BMP3: variants seen among roughly 807,000 people sequenced by gnomAD.
BMP3 encodes the protein bone morphogenetic protein 3 (osteogenic).
Under a neutral mutation model 38.1 loss-of-function variants are expected in BMP3, and 23 were observed. The observed-to-expected ratio is 0.60, with a 90% confidence interval of 0.43 to 0.86. BMP3 has a LOEUF of 0.86. Ranked by LOEUF, BMP3 falls within the 40% of genes least tolerant of loss-of-function variation. The pLI is 0.00. For missense variants in BMP3, 628 were observed against 579.6 expected (o/e 1.08, Z -0.86); for synonymous variants, 258 against 225.7 (o/e 1.14, Z -1.28).
In BMP3 at chr4:81,056,295, G is replaced by GCACACACACACA. The variant is rs59105562; in HGVS notation, c.*2766_*2777dup. 2 of 149,332 alleles carry GCACACACACACA rather than the reference G, an allele frequency of 1.3e-5. No homozygotes were observed. Among genetic ancestry groups the GCACACACACACA allele is most frequent in the Non-Finnish European group, 1.5e-5 (1 of 67,282 alleles). 9.3% of individuals were successfully genotyped at this position (149,332 alleles called of 1,614,324 possible). On this transcript the variant is annotated 3_prime_UTR_variant, in exon 3 of 3. Transcript: ENST00000282701. ...GTAATCTCTCTACCCCATGCAGTGT[G>GCACACACACACA]CACACACACACACACACAGTCAGTT...
chr4:81,031,064 C>G lies in BMP3; in HGVS notation c.-221C>G, dbSNP rs896408458. ...CGCAGCGCCCTGCGCGGGTGAGGTC[C>G]GCGCAGCTGCTGGGGAAGAGCCCAC... On this transcript the variant is annotated 5_prime_UTR_variant, in exon 1 of 3. Transcript: ENST00000282701. The G allele has an allele frequency of 1.8e-6, 1 of 555,872 alleles. No homozygotes were observed. 34.4% of individuals were successfully genotyped at this position (555,872 alleles called of 1,614,324 possible).
rs116776950 is a variant in BMP3, at chr4:81,038,155, C to G, written c.316+6555C>G. Reference sequence around the variant, plus strand: ...TATCCATAAACAAATGGTTTATTGACTTATATAATGGTAAGCTTTTTAAAA... The same window carrying G: ...TATCCATAAACAAATGGTTTATTGAGTTATATAATGGTAAGCTTTTTAAAA... On this transcript the variant is annotated intron_variant, in intron 1 of 2. Transcript: ENST00000282701. 9.9e-3 allele frequency among the ~76,000 whole-genome samples: 1,512 copies of G among 152,166 alleles called. 23 individuals are homozygous for G. The highest frequency in any genetic ancestry group is 0.035 in the African/African-American group (1,437 of 41,506).
In BMP3 at chr4:81,057,476, T is replaced by C. The variant is rs1442488048; in HGVS notation, c.*3940T>C. ...CTTTGTTGAATTTGTATCATTTTCT[T>C]TCAGTAATGAAAAGCTATTCATTAT... On this transcript the variant is annotated 3_prime_UTR_variant, in exon 3 of 3. Transcript: ENST00000282701. 5 of 152,086 alleles carry C rather than the reference T, an allele frequency of 3.3e-5. No individual in the cohort carries two copies. The highest frequency in any genetic ancestry group is 1.2e-4 in the African/African-American group (5 of 41,436). 9.4% of individuals were successfully genotyped at this position (152,086 alleles called of 1,614,324 possible).
chr4:81,033,171 G>C (rs1200804786), intron 1 of BMP3, among the ~76,000 whole-genome samples: 1 of 152,192 alleles, frequency 6.6e-6, no homozygotes, highest in Admixed American at 6.5e-5. Flanking sequence ...CTAGGGAGTA[G>C]CTGAGGCCCC....
chr4:81,049,563 T>C (rs1740349584), intron 2 of BMP3, among the ~76,000 whole-genome samples: 3 of 152,194 alleles, frequency 2.0e-5, no homozygotes, highest in Non-Finnish European at 2.9e-5. Context: ...GGCTGTTACA[T>C]AGAGTTCTCA....
intron 1 of BMP3, among the ~76,000 whole-genome samples, chr4:81,044,166 G>A (rs1298047350): frequency 1.3e-5 from 2 of 152,136 alleles, no homozygotes; most frequent in Admixed American, 6.5e-5. Flanking sequence ...TGTGTTTGTA[G>A]CCCGTAGGCT....
chr4:81,037,909 T>C (rs1210844804), intron 1 of BMP3, among the ~76,000 whole-genome samples: 2 of 152,092 alleles, frequency 1.3e-5, no homozygotes, highest in Non-Finnish European at 2.9e-5. Flanking sequence ...TTGTTAGAAA[T>C]TCTCTAGCCC....
intron 2 of BMP3, among the ~76,000 whole-genome samples, chr4:81,052,887 A>C (rs1329055451): frequency 6.6e-6 from 1 of 152,176 alleles, no homozygotes; most frequent in Non-Finnish European, 1.5e-5. Context: ...TAGGATTTTG[A>C]TTAATGTAGG....
intron 2 of BMP3, among the ~76,000 whole-genome samples, chr4:81,047,107 C>A (rs901601586): frequency 6.6e-6 from 1 of 152,130 alleles, no homozygotes; most frequent in Non-Finnish European, 1.5e-5. Flanking sequence ...TTAATAAATA[C>A]CCTCTTGTGA....
chr4:81,033,880 GT>G (rs1739845213), intron 1 of BMP3, among the ~76,000 whole-genome samples: 1 of 152,126 alleles, frequency 6.6e-6, no homozygotes. Context: ...GAGTTTTTAA[GT>G]TTTAGAACAT....
rs1228412154 is a variant in BMP3 at position 81,053,518 on chromosome 4, G to A, written c.1401G>A (p.Glu467=). Residue 467 remains glutamate (E), a synonymous_variant, in exon 3 of 3, where the codon GAG becomes GAA. Coordinates refer to ENST00000282701, the MANE Select transcript of BMP3 (RefSeq NM_001201.5). ...AAGTATACCCTAACATGACAGTAGAGTCTTGCGCTTGCAGATAACCTGGCA... is the reference window on the plus strand; with the variant it reads ...AAGTATACCCTAACATGACAGTAGAATCTTGCGCTTGCAGATAACCTGGCA... ...VLKVYPNMTV[E]SCACR 3 of 1,530,556 alleles carry A rather than the reference G, an allele frequency of 2.0e-6. No homozygotes were observed. The highest frequency in any genetic ancestry group is 1.4e-5 in the African/African-American group (1 of 70,510). The allele number at this position is 1,530,556 out of a possible 1,614,324, so 94.8% of individuals were successfully genotyped here.
intron 1 of BMP3, among the ~76,000 whole-genome samples, chr4:81,038,934 T>A (rs1578294906): frequency 6.6e-6 from 1 of 152,330 alleles, no homozygotes; most frequent in East Asian, 1.9e-4. Flanking sequence ...AATGAACATT[T>A]TACTATTCTA....
intron 1 of BMP3, among the ~76,000 whole-genome samples, chr4:81,043,590 A>ATTTTTTTTTTTTT (rs3038534): frequency 3.8e-5 from 5 of 130,758 alleles, no homozygotes; most frequent in Middle Eastern, 4.5e-3. Flanking sequence ...GCATACTACA[A>ATTTTTTTTTTTTT]TTTTTTTTTT....
intron 1 of BMP3, among the ~76,000 whole-genome samples, chr4:81,042,093 CAAGTGAGATT>C (rs1740094196): frequency 6.6e-6 from 1 of 152,078 alleles, no homozygotes; most frequent in Admixed American, 6.6e-5. Flanking sequence ...TGAAAAGCAA[CAAGTGAGATT>C]AATTTTAATA....
intron 2 of BMP3, among the ~76,000 whole-genome samples, chr4:81,049,083 T>C (rs540524294): frequency 1.3e-5 from 2 of 152,260 alleles, no homozygotes; most frequent in Admixed American, 1.3e-4. Flanking sequence ...AAAATAATAG[T>C]TTCTATATAA....
At position 81,046,273 on chromosome 4, in the gene BMP3, G is replaced by A. The variant is rs2109909413; in HGVS notation, c.852G>A (p.Glu284=). The change falls in exon 2 of 3, where the codon GAG becomes GAA. Residue 284 remains glutamate (E), a synonymous_variant. Transcript: ENST00000282701. ...DSHIRAALSI[E]RRKKRSTGVL... ...ACATCAGAGCTGCCCTTTCCATTGA[G>A]CGGAGGAAGAAGCGCTCTACTGGGG... 6.2e-7 allele frequency: 1 copy of A among 1,614,078 alleles called. No individual in the cohort carries two copies. The highest frequency in any genetic ancestry group is 8.5e-7 in the Non-Finnish European group (1 of 1,180,018).
rs1217269527 is a variant in BMP3 at position 81,031,528 on chromosome 4, G to A, written c.244G>A (p.Gly82Ser). 6.2e-7 allele frequency: 1 copy of A among 1,612,154 alleles called. No individual in the cohort carries two copies. The highest frequency in any genetic ancestry group is 8.5e-7 in the Non-Finnish European group (1 of 1,179,424). ...CCGGACACCGGGCTCCCTGGAGGGA[G>A]GCTCGCAGCCCTGGCGCCCTCGGCT... ...AARTPGSLEGGSQPWRPRLLR... is the reference protein window; with the variant it reads ...AARTPGSLEGSSQPWRPRLLR... Residue 82 changes from glycine to serine, a missense_variant, in exon 1 of 3, where the codon GGC (glycine) becomes AGC (serine). Transcript: ENST00000282701.
chr4:81,050,474 T>A (rs930475544), intron 2 of BMP3, among the ~76,000 whole-genome samples: 1 of 152,006 alleles, frequency 6.6e-6, no homozygotes, highest in Non-Finnish European at 1.5e-5. Flanking sequence ...TGAAAGTGAT[T>A]GAGCTGTTGT....
Position 81,032,194 on chromosome 4 carries a change from C to CAAAAAAAAAA in BMP3, c.316+611_316+620dup, listed in dbSNP as rs5859748. On this transcript the variant is annotated intron_variant, in intron 1 of 2. Transcript: ENST00000282701. ...ACTTTACTTGATAGTTCCTTAGTGG[C>CAAAAAAAAAA]AAAAAAAAAAAAAAAAAAAAAAAAA... Among the ~76,000 whole-genome samples, 91 of 74,030 alleles carry CAAAAAAAAAA rather than the reference C, an allele frequency of 1.2e-3. 13 individuals carry two copies. Among genetic ancestry groups the CAAAAAAAAAA allele is most frequent in the African/African-American group, 4.2e-3 (86 of 20,692 alleles). 48.6% of individuals were successfully genotyped at this position (74,030 alleles called of 152,430 possible).
Sources: allele counts gnomAD v4.1 joint callset (sites outside exome capture counted in the v4.1 genomes callset), GRCh38; gene constraint gnomAD v4.1.1; transcripts MANE v1.5; gene names NCBI Gene and HGNC (gene_info 2026-07-23, HGNC 2026-07-21).